The following PRMT8 variants were observed in gnomAD, a reference collection of about 807,000 sequenced individuals.
PRMT8 encodes protein arginine methyltransferase 8.
PRMT8 carries 7 observed loss-of-function variants against 47.1 expected under a neutral mutation model. That is an observed-to-expected ratio of 0.15 (90% CI 0.08 to 0.28). The LOEUF is 0.28. PRMT8 is among the 10% of genes least tolerant of loss of function. The pLI is 1.00. For missense variants in PRMT8, 237 were observed against 505.4 expected (o/e 0.47, Z 5.09); for synonymous variants, 188 against 186.5 (o/e 1.01, Z -0.07).
At chr12:3,516,856 A>G (rs763936858) in intron 1 of PRMT8, among the ~76,000 whole-genome samples, 1 of 152,104 alleles carries the variant, frequency 6.6e-6, no homozygotes, top group Non-Finnish European at 1.5e-5. Flanking sequence ...CATCTAAAAT[A>G]AGAATTTACC....
chr12:3,540,574 C>T (rs376149975), intron 1 of PRMT8, 32 bp from the exon 2 acceptor site: 4 of 1,465,154 alleles, frequency 2.7e-6, no homozygotes, highest in Non-Finnish European at 3.8e-6. Flanking sequence ...CGTTGTCTCT[C>T]CTAACACCCG....
intron 4 of PRMT8, among the ~76,000 whole-genome samples, chr12:3,554,920 G>A (rs780084025): frequency 1.3e-5 from 2 of 152,138 alleles, no homozygotes; most frequent in African/African-American, 4.8e-5. Flanking sequence ...CACCCCTCTG[G>A]GTCTGACCTG....
chr12:3,548,366 A>G (rs1356968165), intron 2 of PRMT8, among the ~76,000 whole-genome samples: 1 of 152,206 alleles, frequency 6.6e-6, no homozygotes, highest in East Asian at 1.9e-4. Context: ...TGCTTTAAAA[A>G]AAGAAAAAAG....
In PRMT8 at chr12:3,409,361, C is replaced by G. The variant is rs561812728; in HGVS notation, c.48+27919C>G. Among the ~76,000 whole-genome samples the G allele has an allele frequency of 9.2e-5, 14 of 152,258 alleles. No homozygotes were observed. The South Asian group carries it at 1.7e-3, about 18-fold the overall frequency. On this transcript the variant is annotated intron_variant, in intron 1 of 9. Transcript: ENST00000452611. The surrounding 1 kb of genome is among the most constrained non-coding windows in gnomAD (Gnocchi z 4.4). Reference sequence around the variant, plus strand: ...AGGAGCTGGAGCCAATAGGTCACAGCAGCAACTCAGGCCCTGGGGAATAAG... The same window carrying G: ...AGGAGCTGGAGCCAATAGGTCACAGGAGCAACTCAGGCCCTGGGGAATAAG...
chr12:3,549,808 G>A (rs1239839950), intron 2 of PRMT8, 128 bp from the exon 3 acceptor site: 6 of 1,055,128 alleles, frequency 5.7e-6, no homozygotes, highest in African/African-American at 1.6e-5. Context: ...TGTCCTCTGT[G>A]GCTCTGCCTG....
chr12:3,419,374 G>A (rs1417672364), intron 1 of PRMT8, among the ~76,000 whole-genome samples: 1 of 152,206 alleles, frequency 6.6e-6, no homozygotes, highest in African/African-American at 2.4e-5. Context: ...ATTGACCAAG[G>A]AGAAAGCTGT....
intron 1 of PRMT8, among the ~76,000 whole-genome samples, chr12:3,455,429 G>A (rs939470005): frequency 2.6e-5 from 4 of 152,144 alleles, no homozygotes; most frequent in Non-Finnish European, 5.9e-5. Context: ...GGGGTGAGCT[G>A]CTTCAGGCGT....
At chr12:3,477,153 C>G (rs1372481822) in intron 1 of PRMT8, among the ~76,000 whole-genome samples, 2 of 152,184 alleles carry the variant, frequency 1.3e-5, no homozygotes, top group East Asian at 1.9e-4. Context: ...ACAAGGCTAC[C>G]TAGTTCAAAA....
Position 3,576,672 on chromosome 12 carries a change from C to G in PRMT8, c.713-199C>G, listed in dbSNP as rs772175372. Among the ~76,000 whole-genome samples, 1 of 152,088 alleles carries G rather than the reference C, an allele frequency of 6.6e-6. No individual in the cohort carries two copies. The highest frequency in any genetic ancestry group is 6.5e-5 in the Admixed American group (1 of 15,276). ...CAACAAAGTGGGACTTACCTTTTCCCGAGGTAGAAATGGAAATGGGAGTGA... is the reference window on the plus strand; with the variant it reads ...CAACAAAGTGGGACTTACCTTTTCCGGAGGTAGAAATGGAAATGGGAGTGA... On this transcript the variant is annotated intron_variant, in intron 6 of 9. Coordinates refer to ENST00000382622, the MANE Select transcript of PRMT8 (RefSeq NM_019854.5). The surrounding 1 kb of genome is among the most constrained non-coding windows in gnomAD (Gnocchi z 4.0).
chr12:3,499,394 GTGT>G (rs1865560546), intron 1 of PRMT8, among the ~76,000 whole-genome samples: 1 of 83,954 alleles, frequency 1.2e-5, no homozygotes, highest in Non-Finnish European at 2.3e-5. Context: ...TCCCCTTCCT[GTGT>G]CCATGTGATC....
In PRMT8 at chr12:3,491,540, C is replaced by T; in HGVS notation, c.-86C>T. The T allele has an allele frequency of 6.8e-7, 1 of 1,481,362 alleles. No individual in the cohort carries two copies. Among genetic ancestry groups the T allele is most frequent in the Non-Finnish European group, 9.0e-7 (1 of 1,117,136 alleles). 91.8% of individuals were successfully genotyped at this position (1,481,362 alleles called of 1,614,324 possible). ...GCTGGGTTGGATTTTTTTTTTTCTC[C>T]CATCCTCTCGCTCTCTCTTTTAAAG... On this transcript the variant is annotated 5_prime_UTR_variant, in exon 1 of 10. Coordinates refer to ENST00000382622, the MANE Select transcript of PRMT8 (RefSeq NM_019854.5).
intron 8 of PRMT8, among the ~76,000 whole-genome samples, chr12:3,586,854 C>T (rs952077050): frequency 1.3e-5 from 2 of 152,224 alleles, no homozygotes; most frequent in African/African-American, 4.8e-5. Flanking sequence ...TGCTTTCTGG[C>T]TGACGTAGAT....
intron 1 of PRMT8, among the ~76,000 whole-genome samples, chr12:3,474,179 C>G (rs1865186538): frequency 6.6e-6 from 1 of 152,182 alleles, no homozygotes; most frequent in Non-Finnish European, 1.5e-5. Context: ...GTGGGGCATC[C>G]AAGTCCCTTC....
intron 1 of PRMT8, among the ~76,000 whole-genome samples, chr12:3,521,103 A>C (rs1865872904): frequency 6.6e-6 from 1 of 152,214 alleles, no homozygotes; most frequent in Non-Finnish European, 1.5e-5. Flanking sequence ...CAATTTTCTA[A>C]AGAGAAAAAG....
At chr12:3,432,101 C>T (rs1864687042) in intron 1 of PRMT8, among the ~76,000 whole-genome samples, 1 of 152,188 alleles carries the variant, frequency 6.6e-6, no homozygotes, top group Non-Finnish European at 1.5e-5. Flanking sequence ...GGGATCCCTT[C>T]TCAGAGAAGG....
chr12:3,540,673 A>G lies in PRMT8; in HGVS notation c.143A>G (p.His48Arg), dbSNP rs1287240397. ...GCTAAGCCCGTGCAATGCGTCCATC[A>G]TGTGTCCACTCAACCCAGCTGCCCA... ...VPAKPVQCVH[H>R]VSTQPSCPGR... Residue 48 changes from histidine to arginine, a missense_variant, in exon 2 of 10, where the codon CAT (histidine) becomes CGT (arginine). Around this residue, in one of 5 missense-constraint regions of PRMT8, gnomAD observed 43 missense variants for 32.4 expected, o/e 1.33. Transcript: ENST00000382622. The G allele has an allele frequency of 1.3e-6, 2 of 1,553,930 alleles. No individual in the cohort carries two copies. Among genetic ancestry groups the G allele is most frequent in the Admixed American group, 1.8e-5 (1 of 55,296 alleles).
intron 1 of PRMT8, among the ~76,000 whole-genome samples, chr12:3,520,680 A>G (rs570876985): frequency 6.6e-6 from 1 of 152,360 alleles, no homozygotes; most frequent in East Asian, 1.9e-4. Flanking sequence ...AATGAAAACA[A>G]ACAATCCTTA....
intron 1 of PRMT8, among the ~76,000 whole-genome samples, chr12:3,494,756 A>G (rs1865480100): frequency 6.6e-6 from 1 of 152,176 alleles, no homozygotes; most frequent in Non-Finnish European, 1.5e-5. Flanking sequence ...AGGGTACGAG[A>G]GCATCAACAT....
rs930841327 is a variant in PRMT8 at position 3,492,276 on chromosome 12, T to C, written c.75+576T>C. Among the ~76,000 whole-genome samples, 1 of 151,766 alleles carries C rather than the reference T, an allele frequency of 6.6e-6. No homozygotes were observed. Among genetic ancestry groups the C allele is most frequent in the Non-Finnish European group, 1.5e-5 (1 of 67,928 alleles). On this transcript the variant is annotated intron_variant, in intron 1 of 9. Transcript: ENST00000382622. The surrounding 1 kb of genome is among the most constrained non-coding windows in gnomAD (Gnocchi z 7.5). The stretch of plus-strand genomic sequence containing the variant: ...GGACTCGGGCACCTCCTACAGACCC[T>C]CCGGCCCAGATCTGGGCCAGAGAGA...
Sources: gnomAD v4.1 joint callset for allele counts (sites outside exome capture counted in the v4.1 genomes callset) on GRCh38, gnomAD v4.1.1 for gene constraint, gnomAD v4.1.1 regional missense constraint, Gnocchi (gnomAD v3.1) non-coding constraint, MANE v1.5 for transcripts, NCBI Gene and HGNC (gene_info 2026-07-23, HGNC 2026-07-21) for gene names.